The following WDR17 variants were observed in gnomAD, a reference collection of about 807,000 sequenced individuals.
WDR17 encodes WD repeat-containing protein 17.
Under a neutral mutation model 161.7 loss-of-function variants are expected in WDR17, and 143 were observed. That is an observed-to-expected ratio of 0.88 (90% CI 0.77 to 1.02). The LOEUF (loss-of-function observed/expected upper bound fraction) is 1.02. WDR17 is among the 50% of genes least tolerant of loss of function. WDR17 has a pLI of 0.00. For synonymous variants in WDR17, 517 were observed against 515.6 expected (o/e 1.00, Z -0.04); for missense variants, 1,469 against 1,520.9 (o/e 0.97, Z 0.57).
chr4:176,086,903 T>C (rs1444713659), intron 1 of WDR17, among the ~76,000 whole-genome samples: 1 of 151,838 alleles, frequency 6.6e-6, no homozygotes, highest in Non-Finnish European at 1.5e-5. Flanking sequence ...TATTTACTGT[T>C]CCTTTTTATA....
chr4:176,096,531 G>T, intron 1 of WDR17: 1 of 1,601,840 alleles, frequency 6.2e-7, no homozygotes, highest in South Asian at 1.1e-5. Context: ...TGGCTTGGAT[G>T]ACTTACATTT....
At chr4:176,146,315 T>C (rs746744156) in intron 12 of WDR17, among the ~76,000 whole-genome samples, 156 bp downstream of exon 12, 53 of 152,216 alleles carry the variant, frequency 3.5e-4, no homozygotes, top group Non-Finnish European at 6.3e-4. Flanking sequence ...TTTACTGCAA[T>C]CTCCACCTCC....
chr4:176,128,992 A>G, intron 6 of WDR17, 132 bp downstream of exon 6: 2 of 748,378 alleles, frequency 2.7e-6, no homozygotes, highest in Non-Finnish European at 4.0e-6. Context: ...TTGACAATAT[A>G]TGTGCTCAAG....
intron 1 of WDR17, among the ~76,000 whole-genome samples, chr4:176,069,459 G>A (rs1343006655): frequency 6.6e-6 from 1 of 152,136 alleles, no homozygotes; most frequent in African/African-American, 2.4e-5. Flanking sequence ...AAGGATGATT[G>A]ATAATTGTCA....
chr4:176,150,105 C>T lies in WDR17; in HGVS notation c.2110C>T (p.Gln704Ter), dbSNP rs1398812672. 6.2e-7 allele frequency: 1 copy of T among 1,613,910 alleles called. No individual in the cohort carries two copies. The highest frequency in any genetic ancestry group is 8.5e-7 in the Non-Finnish European group (1 of 1,179,932). Reference protein sequence around the residue: ...LCGKVSRDIRQEIEKLTANSQ... With the variant: ...LCGKVSRDIR Reference sequence around the variant, plus strand: ...TGGTAAAGTGTCAAGAGATATTAGACAGGAAATAGAAAAACTAACTGCTAA... The same window carrying T: ...TGGTAAAGTGTCAAGAGATATTAGATAGGAAATAGAAAAACTAACTGCTAA... The change falls in exon 15 of 29, where the codon CAG becomes TAG. Residue 704 changes from glutamine (Q) to a stop codon, truncating the protein, a stop_gained. Coordinates refer to ENST00000508596, the MANE Select transcript of WDR17 (RefSeq NM_181265.4). LOFTEE classifies it high-confidence loss of function.
In WDR17 at chr4:176,123,658, C is replaced by T. The variant is rs143561108; in HGVS notation, c.539-1446C>T. ...AAGGCATATGGGAAAGGACATGGGG[C>T]TTCCGTGCTGTCTCCAGGCATGCCG... On this transcript the variant is annotated intron_variant, in intron 4 of 28. Transcript: ENST00000508596. Among the ~76,000 whole-genome samples the T allele has an allele frequency of 5.3e-5, 8 of 152,344 alleles. No homozygotes were observed. In the South Asian group the frequency reaches 8.3e-4, roughly 16 times the overall value.
intron 26 of WDR17, among the ~76,000 whole-genome samples, chr4:176,175,957 G>T (rs1751395020): frequency 1.3e-5 from 2 of 152,132 alleles, no homozygotes; most frequent in Admixed American, 1.3e-4. Context: ...TGAAGCACTA[G>T]CTGTCACCTA....
intron 12 of WDR17, among the ~76,000 whole-genome samples, chr4:176,146,577 A>C (rs1179752024): frequency 6.6e-6 from 1 of 152,178 alleles, no homozygotes; most frequent in African/African-American, 2.4e-5. Context: ...ACTCATTTGC[A>C]GTGGGGCCTA....
In WDR17 at chr4:176,177,455, T is replaced by A; in HGVS notation, c.3549-16T>A. ...GATTCGACAAAATGAAATTTTGATA[T>A]CTGTTGAAAATATAGATCATTAGAA... On this transcript the variant is annotated splice_polypyrimidine_tract_variant and intron_variant, in intron 27 of 28. Coordinates refer to ENST00000508596, the MANE Select transcript of WDR17 (RefSeq NM_181265.4). 1 of 1,518,318 alleles carries A rather than the reference T, an allele frequency of 6.6e-7. No individual in the cohort carries two copies. The highest frequency in any genetic ancestry group is 8.8e-7 in the Non-Finnish European group (1 of 1,138,368). 94.1% of individuals were successfully genotyped at this position (1,518,318 alleles called of 1,614,324 possible).
chr4:176,089,958 C>T (rs753764017), intron 1 of WDR17, among the ~76,000 whole-genome samples: 8 of 151,976 alleles, frequency 5.3e-5, no homozygotes, highest in South Asian at 2.1e-4. Context: ...AAGCATAACT[C>T]GGAATTTCTG....
At chr4:176,155,545 G>GGT (rs1747937484) in intron 17 of WDR17, among the ~76,000 whole-genome samples, 1 of 105,248 alleles carries the variant, frequency 9.5e-6, no homozygotes, top group Non-Finnish European at 1.9e-5. Context: ...ATTTGTTTGT[G>GGT]TTTTTTTTTT....
chr4:176,071,122 C>T (rs1578971076), intron 1 of WDR17, among the ~76,000 whole-genome samples: 1 of 147,108 alleles, frequency 6.8e-6, no homozygotes, highest in Non-Finnish European at 1.5e-5. Flanking sequence ...TTCCTCAAGT[C>T]TTTTTTTTTT....
At chr4:176,090,033 G>A (rs180910269) in intron 1 of WDR17, among the ~76,000 whole-genome samples, 1 of 152,160 alleles carries the variant, frequency 6.6e-6, no homozygotes, top group Admixed American at 6.6e-5. Context: ...TTCCTCCAGA[G>A]AGAATATACT....
At chr4:176,069,631 T>C (rs977881736) in intron 1 of WDR17, among the ~76,000 whole-genome samples, 4 of 152,216 alleles carry the variant, frequency 2.6e-5, no homozygotes, top group African/African-American at 2.4e-5. Context: ...TTTATTGTTT[T>C]CTTCTTCCAG....
At chr4:176,073,566 C>T (rs925152677) in intron 1 of WDR17, among the ~76,000 whole-genome samples, 1 of 151,432 alleles carries the variant, frequency 6.6e-6, no homozygotes, top group African/African-American at 2.4e-5. Context: ...AATAAACATA[C>T]GTGTGCATGT....
At chr4:176,087,331 T>C (rs911246549) in intron 1 of WDR17, among the ~76,000 whole-genome samples, 4 of 152,114 alleles carry the variant, frequency 2.6e-5, no homozygotes, top group Non-Finnish European at 5.9e-5. Context: ...TTTTTAGTTA[T>C]CTTTTTCTCA....
chr4:176,155,441 A>G (rs1413706102), intron 17 of WDR17, among the ~76,000 whole-genome samples: 6 of 151,546 alleles, frequency 4.0e-5, no homozygotes, highest in Admixed American at 3.9e-4. Context: ...TTTGTAAGTG[A>G]TGAGAGCAGC....
At chr4:176,133,246 G>T (rs1457062802) in intron 7 of WDR17, among the ~76,000 whole-genome samples, 1 of 99,558 alleles carries the variant, frequency 1.0e-5, no homozygotes, top group African/African-American at 4.0e-5. Context: ...GTTCTCCTTG[G>T]TCTCCTCTCT....
In WDR17 at chr4:176,131,694, C is replaced by CT; in HGVS notation, c.1057dup (p.Tyr353LeufsTer2). On this transcript the variant is annotated frameshift_variant, in exon 7 of 29. Transcript: ENST00000508596. LOFTEE classifies it high-confidence loss of function. ...TTGTTTCTTGGATGGTGGAGTTGGA[C>CT]TTTATGATATGGGAGCTAAGAAGTG... is the stretch of plus-strand genomic sequence containing the variant. 3.7e-6 allele frequency: 6 copies of CT among 1,613,000 alleles called. No individual in the cohort carries two copies. The highest frequency in any genetic ancestry group is 5.1e-6 in the Non-Finnish European group (6 of 1,179,520).
Sources: gnomAD v4.1 joint callset for allele counts (sites outside exome capture counted in the v4.1 genomes callset) on GRCh38, gnomAD v4.1.1 for gene constraint, MANE v1.5 for transcripts, NCBI Gene and HGNC (gene_info 2026-07-23, HGNC 2026-07-21) for gene names.